The following PTPRO variants were observed in gnomAD, a reference collection of about 807,000 sequenced individuals.
PTPRO encodes the protein protein tyrosine phosphatase receptor type O, also known as receptor-type tyrosine-protein phosphatase O.
A neutral mutation model predicts 145.2 loss-of-function variants in PTPRO; 62 were observed. The ratio of observed to expected loss-of-function variants is 0.43; its 90% confidence interval spans 0.35 to 0.53. PTPRO has a LOEUF of 0.53. Ranked by LOEUF, PTPRO falls within the 20% of genes least tolerant of loss-of-function variation. PTPRO has a pLI of 0.01. For synonymous variants in PTPRO, 565 were observed against 514.7 expected, an observed-to-expected ratio of 1.10 and a Z score of -1.32; for missense variants, 1,345 against 1,482.7, an observed-to-expected ratio of 0.91 and a Z score of 1.53.
chr12:15,342,679 G>A (rs1591718458), intron 1 of PTPRO, among the ~76,000 whole-genome samples: 1 of 152,140 alleles, frequency 6.6e-6, no homozygotes, highest in South Asian at 2.1e-4. Flanking sequence ...TTCCAGCCTC[G>A]AAGTTTTCCT....
In PTPRO at chr12:15,429,008, G is replaced by C. The variant is rs191287297; in HGVS notation, c.76-54966G>C. 3.1e-3 allele frequency among the ~76,000 whole-genome samples: 475 copies of C among 152,206 alleles called. 3 individuals are homozygous for C. Among genetic ancestry groups the C allele is most frequent in the Non-Finnish European group, 4.1e-3 (280 of 68,010 alleles). ...ACAAGGAAAACTAATAAATACAAAA[G>C]CTGCTAATTACTTCTCAGCATTCCT... On this transcript the variant is annotated intron_variant, in intron 1 of 26. Coordinates refer to ENST00000281171, the MANE Select transcript of PTPRO (RefSeq NM_030667.3).
chr12:15,591,181 C>A lies in PTPRO; in HGVS notation c.3546+1591C>A, dbSNP rs184565304. 1.4e-3 allele frequency among the ~76,000 whole-genome samples: 208 copies of A among 152,116 alleles called. 6 individuals are homozygous for A. Among genetic ancestry groups the A allele is most frequent in the Admixed American group, 0.013 (193 of 15,270 alleles). On this transcript the variant is annotated intron_variant, in intron 25 of 26. Transcript: ENST00000281171. ...GTCAGAAGTTGGAGACCAGCCTGGC[C>A]AACATGGTGAAACCCCGTTTCTACT... is the stretch of plus-strand genomic sequence containing the variant.
At chr12:15,557,906 T>G (rs1478853150) in intron 16 of PTPRO, among the ~76,000 whole-genome samples, 1 of 151,976 alleles carries the variant, frequency 6.6e-6, no homozygotes, top group Non-Finnish European at 1.5e-5. Flanking sequence ...TCCATTTTAT[T>G]TTATATTTTA....
At chr12:15,463,526 G>T (rs1026694023) in intron 1 of PTPRO, among the ~76,000 whole-genome samples, 3 of 152,128 alleles carry the variant, frequency 2.0e-5, no homozygotes, top group Non-Finnish European at 4.4e-5. Context: ...ATTTATATTA[G>T]TTTCCTTCTT....
chr12:15,555,183 A>C (rs1308266271), intron 15 of PTPRO, among the ~76,000 whole-genome samples: 4 of 152,150 alleles, frequency 2.6e-5, no homozygotes, highest in Non-Finnish European at 4.4e-5. Flanking sequence ...GGTTGCAGTG[A>C]GCTGAGATCG....
At chr12:15,581,298 CTTTTTTTTTTT>C (rs147606138) in intron 22 of PTPRO, among the ~76,000 whole-genome samples, 1 of 123,030 alleles carries the variant, frequency 8.1e-6, no homozygotes, top group Non-Finnish European at 1.6e-5. Context: ...TGAGTGCTTT[CTTTTTTTTTTT>C]TTTTTTTTTG....
intron 1 of PTPRO, among the ~76,000 whole-genome samples, chr12:15,471,798 G>T (rs2136417461): frequency 6.6e-6 from 1 of 152,292 alleles, no homozygotes; most frequent in Middle Eastern, 3.4e-3. Context: ...TGGAAGACTA[G>T]AGAGAGGCCA....
At chr12:15,367,913 A>G (rs1938411252) in intron 1 of PTPRO, among the ~76,000 whole-genome samples, 1 of 151,892 alleles carries the variant, frequency 6.6e-6, no homozygotes, top group African/African-American at 2.4e-5. Flanking sequence ...TCATAGCTCT[A>G]CTCTGCCCTG....
At chr12:15,514,451 C>CAAAA (rs71438353) in intron 7 of PTPRO, among the ~76,000 whole-genome samples, 73 of 67,792 alleles carry the variant, frequency 1.1e-3, no homozygotes, top group African/African-American at 1.9e-3. Flanking sequence ...GACTCTGTCT[C>CAAAA]AAAAAAAAAA....
intron 1 of PTPRO, among the ~76,000 whole-genome samples, chr12:15,415,228 C>T (rs1165742832): frequency 6.6e-6 from 1 of 152,060 alleles, no homozygotes; most frequent in Non-Finnish European, 1.5e-5. Context: ...AGCTACCTCC[C>T]CCCCAAAAAA....
chr12:15,597,935 C>T lies in PTPRO; in HGVS notation c.*1862C>T, dbSNP rs1346867038. Among the ~76,000 whole-genome samples the T allele has an allele frequency of 6.6e-6, 1 of 152,190 alleles. No homozygotes were observed. Among genetic ancestry groups the T allele is most frequent in the East Asian group, 1.9e-4 (1 of 5,194 alleles). On this transcript the variant is annotated 3_prime_UTR_variant, in exon 27 of 27. Transcript: ENST00000281171. Reference sequence around the variant, plus strand: ...GGCAGTCAGGAGTGAAATGTGCAACCTTGGAAGAGCTGATACAATGTATGG... The same window carrying T: ...GGCAGTCAGGAGTGAAATGTGCAACTTTGGAAGAGCTGATACAATGTATGG...
chr12:15,338,225 C>T (rs1487575251), intron 1 of PTPRO, among the ~76,000 whole-genome samples: 2 of 152,120 alleles, frequency 1.3e-5, no homozygotes, highest in African/African-American at 2.4e-5. Context: ...CTGTAGTTAT[C>T]TCCAGGAAAA....
chr12:15,434,735 A>G (rs1435316981), intron 1 of PTPRO, among the ~76,000 whole-genome samples: 2 of 152,182 alleles, frequency 1.3e-5, no homozygotes, highest in Admixed American at 6.5e-5. Flanking sequence ...ATGTCTGTGA[A>G]GTGCTTTGAA....
intron 1 of PTPRO, among the ~76,000 whole-genome samples, chr12:15,418,376 G>A (rs1940041624): frequency 6.6e-6 from 1 of 151,724 alleles, no homozygotes. Context: ...ATGGCCTTCA[G>A]TGTCTGTTGA....
At chr12:15,341,396 C>G (rs1188278642) in intron 1 of PTPRO, among the ~76,000 whole-genome samples, 1 of 152,078 alleles carries the variant, frequency 6.6e-6, no homozygotes, top group African/African-American at 2.4e-5. Context: ...CTATGTCATA[C>G]CCCCTCCTCT....
At chr12:15,389,867 T>C (rs1165806836) in intron 1 of PTPRO, among the ~76,000 whole-genome samples, 1 of 152,230 alleles carries the variant, frequency 6.6e-6, no homozygotes, top group Non-Finnish European at 1.5e-5. Context: ...TTCATGTTTC[T>C]AGAGTCTCCA....
intron 12 of PTPRO, among the ~76,000 whole-genome samples, chr12:15,541,381 C>T (rs1024062931): frequency 6.6e-6 from 1 of 152,178 alleles, no homozygotes; most frequent in African/African-American, 2.4e-5. Flanking sequence ...TTTCATCCCT[C>T]ATGTGCAGAA....
chr12:15,371,839 G>T (rs1348955398), intron 1 of PTPRO, among the ~76,000 whole-genome samples: 1 of 152,008 alleles, frequency 6.6e-6, no homozygotes, highest in Non-Finnish European at 1.5e-5. Context: ...GGTTTTATAA[G>T]GGGCTCTTCC....
At chr12:15,419,733 G>A (rs1343024552) in intron 1 of PTPRO, among the ~76,000 whole-genome samples, 5 of 144,342 alleles carry the variant, frequency 3.5e-5, no homozygotes, top group African/African-American at 5.5e-5. Flanking sequence ...TAGTTCTTTG[G>A]TGTTTTTTTT....
Sources: allele counts gnomAD v4.1 joint callset (sites outside exome capture counted in the v4.1 genomes callset), GRCh38; gene constraint gnomAD v4.1.1; transcripts MANE v1.5; gene names NCBI Gene and HGNC (gene_info 2026-07-23, HGNC 2026-07-21).